Variants in TSHZ2 observed in about 807,000 individuals in gnomAD.
The protein encoded by TSHZ2 is teashirt homolog 2.
TSHZ2 carries 21 observed loss-of-function variants against 74.4 expected under a neutral mutation model. The observed-to-expected ratio is 0.28, with a 90% confidence interval of 0.20 to 0.41. The LOEUF is 0.41. TSHZ2 is among the 10% of genes least tolerant of loss of function. TSHZ2 has a pLI of 1.00. For synonymous variants in TSHZ2, 540 were observed against 515.3 expected (o/e 1.05, Z -0.65); for missense variants, 1,244 against 1,293.5 (o/e 0.96, Z 0.59).
chr20:53,463,947 T>C (rs1247649896), intron 2 of TSHZ2, among the ~76,000 whole-genome samples: 2 of 152,234 alleles, frequency 1.3e-5, no homozygotes, highest in African/African-American at 4.8e-5. Flanking sequence ...AAGTGCTGAA[T>C]AGCAGGTGTT....
At chr20:53,290,177 G>A (rs929260047) in intron 2 of TSHZ2, among the ~76,000 whole-genome samples, 6 of 151,938 alleles carry the variant, frequency 3.9e-5, no homozygotes, top group African/African-American at 7.3e-5. Context: ...TCAACAGGAC[G>A]TGCTCTCTTC....
chr20:53,326,578 C>G (rs546500901), intron 2 of TSHZ2, among the ~76,000 whole-genome samples: 2 of 152,180 alleles, frequency 1.3e-5, no homozygotes, highest in Admixed American at 1.3e-4. Flanking sequence ...AAAGCCCCCC[C>G]GGCAACCACC....
chr20:53,390,664 C>G (rs753183305), intron 2 of TSHZ2, among the ~76,000 whole-genome samples: 1 of 152,132 alleles, frequency 6.6e-6, no homozygotes, highest in Non-Finnish European at 1.5e-5. Context: ...ATAATGGACC[C>G]AGTAATGGGA....
At chr20:53,389,081 A>G (rs1446957006) in intron 2 of TSHZ2, among the ~76,000 whole-genome samples, 5 of 152,236 alleles carry the variant, frequency 3.3e-5, no homozygotes, top group Non-Finnish European at 7.3e-5. Flanking sequence ...AAGCAGGAAC[A>G]TACTGGAATG....
chr20:52,988,869 C>T, intron 1 of TSHZ2, among the ~76,000 whole-genome samples: 1 of 152,098 alleles, frequency 6.6e-6, no homozygotes, highest in Middle Eastern at 3.2e-3. Flanking sequence ...TCATCTGTTC[C>T]TGATAAATCT....
At chr20:52,995,093 A>G (rs923369840) in intron 1 of TSHZ2, among the ~76,000 whole-genome samples, 6 of 152,186 alleles carry the variant, frequency 3.9e-5, no homozygotes, top group African/African-American at 1.4e-4. Flanking sequence ...CAGCACCTCT[A>G]GAGGTCAAAC....
At chr20:52,990,382 C>T (rs559543617) in intron 1 of TSHZ2, among the ~76,000 whole-genome samples, 17 of 148,000 alleles carry the variant, frequency 1.1e-4, no homozygotes, top group South Asian at 8.5e-4. Flanking sequence ...GGCTTAAGTA[C>T]GCTGAACGTA....
chr20:53,056,466 T>A (rs1458466667), intron 1 of TSHZ2, among the ~76,000 whole-genome samples: 1 of 152,206 alleles, frequency 6.6e-6, no homozygotes, highest in Non-Finnish European at 1.5e-5. Flanking sequence ...AAGGGCTAAC[T>A]CTTATTTGTC....
intron 1 of TSHZ2, among the ~76,000 whole-genome samples, chr20:53,204,703 T>C (rs985529751): frequency 9.2e-5 from 14 of 152,110 alleles, no homozygotes; most frequent in Non-Finnish European, 1.3e-4. Context: ...TGCTTTCTTT[T>C]ATTTCATACT....
chr20:53,021,502 T>G (rs1983245671), intron 1 of TSHZ2, among the ~76,000 whole-genome samples: 1 of 152,222 alleles, frequency 6.6e-6, no homozygotes, highest in African/African-American at 2.4e-5. Context: ...CCCCTCTACT[T>G]AACAATGCCT....
intron 2 of TSHZ2, among the ~76,000 whole-genome samples, chr20:53,257,011 G>A (rs868065763): frequency 1.3e-5 from 2 of 152,178 alleles, no homozygotes; most frequent in South Asian, 2.1e-4. Flanking sequence ...AAGAAAGATT[G>A]GAGAGTGCTA....
intron 1 of TSHZ2, among the ~76,000 whole-genome samples, chr20:53,210,843 A>G (rs1989286390): frequency 6.6e-6 from 1 of 152,174 alleles, no homozygotes; most frequent in African/African-American, 2.4e-5. Flanking sequence ...GTGTGTCCAC[A>G]CAAAATCTCT....
intron 2 of TSHZ2, among the ~76,000 whole-genome samples, chr20:53,467,515 C>T (rs1253489591): frequency 2.0e-5 from 3 of 152,152 alleles, no homozygotes; most frequent in Admixed American, 6.5e-5. Flanking sequence ...ATCTACATTT[C>T]GTTAAGCACT....
chr20:53,261,247 C>A (rs1258923616), intron 2 of TSHZ2, among the ~76,000 whole-genome samples: 1 of 152,164 alleles, frequency 6.6e-6, no homozygotes, highest in African/African-American at 2.4e-5. Context: ...CTTTCCTGGG[C>A]CTTTTGGAGG....
At chr20:53,319,322 A>G (rs186718303) in intron 2 of TSHZ2, among the ~76,000 whole-genome samples, 4 of 152,360 alleles carry the variant, frequency 2.6e-5, no homozygotes, top group Admixed American at 2.0e-4. Context: ...GCCAGGCATT[A>G]TCTCCAGTAC....
At chr20:53,171,547 GT>G (rs34176657) in intron 1 of TSHZ2, among the ~76,000 whole-genome samples, 60,933 of 149,912 alleles carry the variant, frequency 0.41, 13,184 homozygotes, top group African/African-American at 0.58. Context: ...CCTTCTAAAT[GT>G]TTTTTTTTTC....
chr20:53,445,238 G>T (rs915048), intron 2 of TSHZ2, among the ~76,000 whole-genome samples: 90,312 of 152,050 alleles, frequency 0.59, 28,154 homozygotes, highest in African/African-American at 0.8. Flanking sequence ...TTATTTTCAT[G>T]ATTCATATTG....
chr20:53,131,518 T>C (rs117175535), intron 1 of TSHZ2, among the ~76,000 whole-genome samples: 246 of 152,332 alleles, frequency 1.6e-3, no homozygotes, highest in Non-Finnish European at 2.7e-3. Context: ...CAGCCCATCA[T>C]TAGAGATGGC....
intron 1 of TSHZ2, among the ~76,000 whole-genome samples, chr20:53,133,491 A>T (rs1987161730): frequency 6.6e-6 from 1 of 152,234 alleles, no homozygotes; most frequent in Admixed American, 6.5e-5. Context: ...AGAAAACACA[A>T]CACTGACTTC....
Sources: allele counts gnomAD v4.1 joint callset (sites outside exome capture counted in the v4.1 genomes callset), GRCh38; gene constraint gnomAD v4.1.1; transcripts MANE v1.5; gene names NCBI Gene and HGNC (gene_info 2026-07-23, HGNC 2026-07-21).